The following CTNNBIP1 variants were observed in gnomAD, a reference collection of about 807,000 sequenced individuals.
CTNNBIP1 encodes the protein catenin beta interacting protein 1, also known as beta-catenin-interacting protein 1.
In CTNNBIP1, 7 loss-of-function variants were observed where a neutral mutation model predicts 11.8. The observed-to-expected ratio is 0.60, with a 90% CI of 0.34 to 1.12. The LOEUF (loss-of-function observed/expected upper bound fraction) is 1.12. Ranked by LOEUF, CTNNBIP1 falls within the 50% of genes most tolerant of loss-of-function variation. The pLI, the probability that CTNNBIP1 is intolerant of heterozygous loss-of-function variation, is 0.03. For missense variants in CTNNBIP1, 101 were observed against 113.4 expected (o/e 0.89, Z 0.50); for synonymous variants, 58 against 43.9 (o/e 1.32, Z -1.26).
chr1:9,859,221 G>A (rs1353504649), intron 5 of CTNNBIP1, among the ~76,000 whole-genome samples: 2 of 152,108 alleles, frequency 1.3e-5, no homozygotes, highest in African/African-American at 4.8e-5. Flanking sequence ...TGGAAACCAG[G>A]GCCAGGACAC....
rs1638382639 is a variant in CTNNBIP1, at chr1:9,851,397, G to A, written c.188-621C>T. Among the ~76,000 whole-genome samples the A allele has an allele frequency of 6.6e-6, 1 of 151,800 alleles. No individual in the cohort carries two copies. On this transcript the variant is annotated intron_variant, in intron 5 of 5. Transcript: ENST00000377263. The surrounding 1 kb of genome is among the most constrained non-coding windows in gnomAD (Gnocchi z 4.8). ...TTCTTTTTTTTGTGTGTGATATGGA[G>A]TCTTGCTCTATCACCCAGGCTGGAG...
At chr1:9,853,117 T>A (rs1385782945) in intron 5 of CTNNBIP1, among the ~76,000 whole-genome samples, 1 of 152,142 alleles carries the variant, frequency 6.6e-6, no homozygotes, top group Non-Finnish European at 1.5e-5. Context: ...CTGGTGGCAT[T>A]TATAGAGCCT....
chr1:9,903,915 T>C (rs1465794811), intron 1 of CTNNBIP1, among the ~76,000 whole-genome samples: 3 of 152,338 alleles, frequency 2.0e-5, no homozygotes, highest in East Asian at 3.9e-4. Flanking sequence ...TCATACTGCC[T>C]GGTTTGAATC....
Position 9,872,087 on chromosome 1 carries a change from T to C in CTNNBIP1, c.-23A>G, listed in dbSNP as rs1385569872. The C allele has an allele frequency of 4.5e-6, 7 of 1,556,302 alleles. No individual in the cohort carries two copies. The highest frequency in any genetic ancestry group is 5.3e-6 in the Non-Finnish European group (6 of 1,127,282). On this transcript the variant is annotated splice_region_variant and 5_prime_UTR_variant, in exon 4 of 6. Transcript: ENST00000377263. This position sits in a 1 kb window ranked among gnomAD's most constrained non-coding sequence, Gnocchi z 4.0. ...CATCCCCCTGCCTGGCTCTGGGGACTCCTGCAGAGCAAGCAACAGCATCAA... is the reference window on the plus strand; with the variant it reads ...CATCCCCCTGCCTGGCTCTGGGGACCCCTGCAGAGCAAGCAACAGCATCAA...
At chr1:9,890,782 G>T (rs1234765727) in intron 1 of CTNNBIP1, among the ~76,000 whole-genome samples, 2 of 152,198 alleles carry the variant, frequency 1.3e-5, no homozygotes, top group African/African-American at 2.4e-5. Flanking sequence ...GATCCTCTGT[G>T]TCAACTGGAG....
intron 1 of CTNNBIP1, among the ~76,000 whole-genome samples, chr1:9,892,266 C>G (rs964131209): frequency 6.6e-6 from 1 of 150,758 alleles, no homozygotes; most frequent in Non-Finnish European, 1.5e-5. Flanking sequence ...ACTAAAAATA[C>G]AAAAAATTAG....
At position 9,872,169 on chromosome 1, in the gene CTNNBIP1, ACTC is replaced by A; in HGVS notation, c.-24-84_-24-82del. The A allele has an allele frequency of 1.2e-6, 1 of 857,906 alleles. No homozygotes were observed. Among genetic ancestry groups the A allele is most frequent in the Non-Finnish European group, 1.9e-6 (1 of 527,058 alleles). The allele number at this position is 857,906 out of a possible 1,614,324, so 53.1% of individuals were successfully genotyped here. A position where few individuals can be genotyped will look rare whatever the true frequency, so the allele number is the denominator to read the frequency against. On this transcript the variant is annotated intron_variant, in intron 3 of 5. Transcript: ENST00000377263. The surrounding 1 kb of genome is among the most constrained non-coding windows in gnomAD (Gnocchi z 4.0). ...ACAATGACACCTGCTAGTGACCCTCACTCCTCCCAGGAGCCGCTTTCCACCCAC... is the reference window on the plus strand; with the variant it reads ...ACAATGACACCTGCTAGTGACCCTCACTCCCAGGAGCCGCTTTCCACCCAC...
At chr1:9,894,182 T>C (rs543643301) in intron 1 of CTNNBIP1, among the ~76,000 whole-genome samples, 1 of 152,366 alleles carries the variant, frequency 6.6e-6, no homozygotes, top group South Asian at 2.1e-4. Context: ...ATATATGTTT[T>C]ATGGCTCTGT....
At chr1:9,852,333 T>C (rs1638408583) in intron 5 of CTNNBIP1, among the ~76,000 whole-genome samples, 1 of 152,166 alleles carries the variant, frequency 6.6e-6, no homozygotes, top group Non-Finnish European at 1.5e-5. Flanking sequence ...AGAACCAAGG[T>C]GCTGCTAAGG....
chr1:9,875,075 G>A (rs559586421), intron 3 of CTNNBIP1, among the ~76,000 whole-genome samples: 4 of 152,184 alleles, frequency 2.6e-5, no homozygotes, highest in African/African-American at 7.2e-5. Flanking sequence ...AAGCGCCAGC[G>A]TTGCTTCCTC....
intron 5 of CTNNBIP1, among the ~76,000 whole-genome samples, chr1:9,870,694 C>T (rs191925603): frequency 6.8e-4 from 103 of 152,332 alleles, no homozygotes; most frequent in South Asian, 2.7e-3. Context: ...CTCAGGCGCA[C>T]GGAGACATCA....
At chr1:9,899,028 G>A (rs1639467910) in intron 1 of CTNNBIP1, among the ~76,000 whole-genome samples, 1 of 152,074 alleles carries the variant, frequency 6.6e-6, no homozygotes, top group East Asian at 1.9e-4. Flanking sequence ...GTGGTGTTTG[G>A]TTACATGAGT....
chr1:9,898,069 C>T (rs1639446304), intron 1 of CTNNBIP1, among the ~76,000 whole-genome samples: 1 of 150,912 alleles, frequency 6.6e-6, no homozygotes, highest in African/African-American at 2.4e-5. Flanking sequence ...GAGCTGAGAT[C>T]GCACCACTGA....
At chr1:9,855,768 C>G (rs548252385) in intron 5 of CTNNBIP1, among the ~76,000 whole-genome samples, 6 of 148,136 alleles carry the variant, frequency 4.1e-5, no homozygotes, top group Admixed American at 1.3e-4. Flanking sequence ...TGCTCTGTCA[C>G]GCAGGCTAGA....
intron 2 of CTNNBIP1, among the ~76,000 whole-genome samples, chr1:9,881,329 ATTTTTTTT>A (rs60318288): frequency 9.5e-4 from 47 of 49,512 alleles, no homozygotes; most frequent in African/African-American, 2.3e-3. Flanking sequence ...CAGCCTTGAA[ATTTTTTTT>A]TTTTTTTTTT....
chr1:9,858,785 G>A (rs1354260438), intron 5 of CTNNBIP1, among the ~76,000 whole-genome samples: 1 of 152,168 alleles, frequency 6.6e-6, no homozygotes, highest in Non-Finnish European at 1.5e-5. Flanking sequence ...GACACAGGAT[G>A]AATCTTTACT....
intron 1 of CTNNBIP1, among the ~76,000 whole-genome samples, chr1:9,894,000 G>A (rs565699152): frequency 1.2e-4 from 18 of 152,286 alleles, no homozygotes; most frequent in African/African-American, 3.9e-4. Context: ...GGAGGGCCAC[G>A]GCAACCAAAG....
chr1:9,866,762 G>A (rs1466686062), intron 5 of CTNNBIP1, among the ~76,000 whole-genome samples: 1 of 152,046 alleles, frequency 6.6e-6, no homozygotes, highest in Non-Finnish European at 1.5e-5. Context: ...GGGGTAGAGA[G>A]CAGACCTGAG....
At position 9,903,252 on chromosome 1, in the gene CTNNBIP1, T is replaced by C. The variant is rs373772604; in HGVS notation, c.-144+6843A>G. On this transcript the variant is annotated intron_variant, in intron 1 of 5. Transcript: ENST00000377263. ...TTGGTGTCTCTGTGATCCTGGCTTATAAAAAACATCAGAACCAAGATTAGA... is the reference window on the plus strand; with the variant it reads ...TTGGTGTCTCTGTGATCCTGGCTTACAAAAAACATCAGAACCAAGATTAGA... Among the ~76,000 whole-genome samples, 39 of 152,296 alleles carry C rather than the reference T, an allele frequency of 2.6e-4. 1 individual carries two copies. In the East Asian group the frequency reaches 4.0e-3, roughly 16 times the overall value.
Sources: gnomAD v4.1 joint callset for allele counts (sites outside exome capture counted in the v4.1 genomes callset) on GRCh38, gnomAD v4.1.1 for gene constraint, Gnocchi (gnomAD v3.1) non-coding constraint, MANE v1.5 for transcripts, NCBI Gene and HGNC (gene_info 2026-07-23, HGNC 2026-07-21) for gene names.